The following ACOT12 variants were observed in gnomAD, a reference collection of about 807,000 sequenced individuals.
ACOT12 encodes acetyl-coenzyme A thioesterase.
Under a neutral mutation model 67.7 loss-of-function variants are expected in ACOT12, and 51 were observed. The ratio of observed to expected loss-of-function variants is 0.75; its 90% confidence interval spans 0.60 to 0.95. The LOEUF is 0.95. ACOT12 is among the 40% of genes least tolerant of loss of function. ACOT12 has a pLI of 0.00. For missense variants in ACOT12, 734 were observed against 708.1 expected, an observed-to-expected ratio of 1.04 and a Z score of -0.41; for synonymous variants, 251 against 244.6, an observed-to-expected ratio of 1.03 and a Z score of -0.24.
At chr5:81,385,485 T>C (rs191583973) in intron 2 of ACOT12, among the ~76,000 whole-genome samples, 28 of 152,124 alleles carry the variant, frequency 1.8e-4, no homozygotes, top group African/African-American at 6.7e-4. Context: ...TTATAGAAAG[T>C]CTGTTTGGCT....
chr5:81,375,365 C>T (rs1760379844), intron 2 of ACOT12, among the ~76,000 whole-genome samples: 1 of 152,086 alleles, frequency 6.6e-6, no homozygotes, highest in Admixed American at 6.6e-5. Flanking sequence ...AAGGAACAAC[C>T]GGTACCAGCC....
At chr5:81,365,887 A>G (rs1044152690) in intron 3 of ACOT12, among the ~76,000 whole-genome samples, 2 of 152,212 alleles carry the variant, frequency 1.3e-5, no homozygotes, top group African/African-American at 2.4e-5. Flanking sequence ...ACTAAAAAAA[A>G]AGAGAAAGAA....
chr5:81,320,454 T>C, the ACOT12 span, among the ~76,000 whole-genome samples: 2 of 152,152 alleles, frequency 1.3e-5, no homozygotes, highest in Non-Finnish European at 2.9e-5. Flanking sequence ...TGGCATTGGG[T>C]GGCAGGGGAG....
intron 1 of ACOT12, among the ~76,000 whole-genome samples, chr5:81,388,915 T>A (rs1340976178): frequency 6.6e-6 from 1 of 152,210 alleles, no homozygotes; most frequent in African/African-American, 2.4e-5. Flanking sequence ...TCATTTTCTC[T>A]CCTGCCACCG....
the ACOT12 span, among the ~76,000 whole-genome samples, chr5:81,309,567 A>C: frequency 6.6e-6 from 1 of 152,034 alleles, no homozygotes; most frequent in African/African-American, 2.4e-5. Flanking sequence ...TTTAAGGCGG[A>C]GGTTGTTATC....
intron 2 of ACOT12, among the ~76,000 whole-genome samples, chr5:81,379,431 T>C (rs1421729829): frequency 6.6e-6 from 1 of 152,146 alleles, no homozygotes; most frequent in Non-Finnish European, 1.5e-5. Flanking sequence ...TATACCTATG[T>C]AACAAACCTG....
intron 13 of ACOT12, among the ~76,000 whole-genome samples, chr5:81,331,528 A>G (rs2153841938): frequency 6.6e-6 from 1 of 152,318 alleles, no homozygotes; most frequent in Non-Finnish European, 1.5e-5. Context: ...CACATCATCT[A>G]AAATAATAAT....
chr5:81,332,334 T>G, intron 13 of ACOT12, 143 bp downstream of exon 13: 1 of 958,680 alleles, frequency 1.0e-6, no homozygotes, highest in South Asian at 2.1e-5. Flanking sequence ...AAATAATAGC[T>G]AAAGATTCAT....
chr5:81,320,138 CA>C, the ACOT12 span, among the ~76,000 whole-genome samples: 1 of 152,242 alleles, frequency 6.6e-6, no homozygotes, highest in African/African-American at 2.4e-5. Flanking sequence ...ATTTATTTTT[CA>C]ATCTCCTTAA....
At chr5:81,353,344 T>C (rs1300795106) in intron 5 of ACOT12, among the ~76,000 whole-genome samples, 1 of 152,222 alleles carries the variant, frequency 6.6e-6, no homozygotes, top group Non-Finnish European at 1.5e-5. Context: ...CTCGCAGTTC[T>C]GGTTTGGGTT....
At chr5:81,393,737 C>A (rs1489071376) in intron 1 of ACOT12, among the ~76,000 whole-genome samples, 4 of 149,938 alleles carry the variant, frequency 2.7e-5, no homozygotes, top group Non-Finnish European at 5.9e-5. Flanking sequence ...AAACAAAAAA[C>A]CCCGCAGAAG....
chr5:81,323,019 C>G, the ACOT12 span, among the ~76,000 whole-genome samples: 4 of 148,404 alleles, frequency 2.7e-5, no homozygotes, highest in African/African-American at 7.5e-5. Flanking sequence ...CTTGGGTATC[C>G]TGAGGTGAGA....
intron 6 of ACOT12, among the ~76,000 whole-genome samples, chr5:81,347,283 A>AT (rs981373924): frequency 6.6e-6 from 1 of 151,802 alleles, no homozygotes. Flanking sequence ...ACACCAGCAA[A>AT]TTTTTTTTGT....
Position 81,345,033 on chromosome 5 carries a change from A to T in ACOT12, c.782T>A (p.Val261Asp), listed in dbSNP as rs765561312. 6.2e-7 allele frequency: 1 copy of T among 1,614,044 alleles called. No homozygotes were observed. Among genetic ancestry groups the T allele is most frequent in the Admixed American group, 1.7e-5 (1 of 60,008 alleles). ...VNNTFQTCVE[V>D]GVRVEAFDCQ... ...GTCAAAGGCCTCCACGCGAACTCCA[A>T]CTTCAACACTGTGAAGGGTGATGCA... is the stretch of plus-strand genomic sequence containing the variant. Residue 261 changes from valine (V) to aspartate (D), a missense_variant, in exon 8 of 15, where the codon GTT becomes GAT. Physicochemically the swap from Val to Asp is radical, Grantham distance 152 (BLOSUM62 -3). Transcript: ENST00000307624.
At chr5:81,347,676 C>T (rs914824890) in intron 6 of ACOT12, 98 bp downstream of exon 6, 1 of 1,370,306 alleles carries the variant, frequency 7.3e-7, no homozygotes, top group Non-Finnish European at 9.9e-7. Context: ...TCAGTCCTTT[C>T]CTTGACTTCT....
At chr5:81,311,423 G>C in the ACOT12 span, 9 of 871,970 alleles carry the variant, frequency 1.0e-5, no homozygotes, top group Admixed American at 2.2e-5. Context: ...CTTAATCTCT[G>C]TCAGCAATAG....
the ACOT12 span, among the ~76,000 whole-genome samples, chr5:81,323,909 C>CGTGTATATATACATGTATATATACGT: frequency 1.4e-5 from 2 of 146,454 alleles, no homozygotes; most frequent in Non-Finnish European, 1.5e-5. Context: ...TATATATACA[C>CGTGTATATATACATGTATATATACGT]GTATATATAC....
the ACOT12 span, among the ~76,000 whole-genome samples, chr5:81,318,512 C>G: frequency 6.6e-6 from 1 of 152,086 alleles, no homozygotes; most frequent in African/African-American, 2.4e-5. Flanking sequence ...TGTTTATTTT[C>G]TCTTCTCTAT....
chr5:81,358,249 T>C (rs1015694077), intron 5 of ACOT12, among the ~76,000 whole-genome samples: 3 of 152,182 alleles, frequency 2.0e-5, no homozygotes, highest in Non-Finnish European at 4.4e-5. Flanking sequence ...TTTCCTAAGA[T>C]GTCCTAAGAG....
Sources: allele counts gnomAD v4.1 joint callset (sites outside exome capture counted in the v4.1 genomes callset), GRCh38; gene constraint gnomAD v4.1.1; transcripts MANE v1.5; gene names NCBI Gene and HGNC (gene_info 2026-07-23, HGNC 2026-07-21).